The following CLVS1 variants were observed in gnomAD, a reference collection of about 807,000 sequenced individuals.
CLVS1 encodes the protein clavesin 1.
Under a neutral mutation model 33.1 loss-of-function variants are expected in CLVS1, and 10 were observed. The ratio of observed to expected loss-of-function variants is 0.30; its 90% CI spans 0.19 to 0.51. CLVS1 has a LOEUF of 0.51. Ranked by LOEUF, CLVS1 falls within the 20% of genes least tolerant of loss-of-function variation. The pLI is 0.97. For missense variants in CLVS1, 343 were observed against 433.4 expected (o/e 0.79, Z 1.85); for synonymous variants, 163 against 166.1 (o/e 0.98, Z 0.14).
chr8:61,141,331 A>G (rs1323768199), intron 2 of CLVS1, among the ~76,000 whole-genome samples: 1 of 152,184 alleles, frequency 6.6e-6, no homozygotes, highest in African/African-American at 2.4e-5. Flanking sequence ...GTTGTATACA[A>G]GCTCACTTAA....
chr8:61,275,540 A>C (rs1489971166), intron 2 of CLVS1, among the ~76,000 whole-genome samples: 1 of 152,198 alleles, frequency 6.6e-6, no homozygotes. Flanking sequence ...ATAACACTTC[A>C]TATATTTGTG....
intron 5 of CLVS1, among the ~76,000 whole-genome samples, chr8:61,495,994 C>A (rs960375087): frequency 5.9e-5 from 9 of 152,104 alleles, no homozygotes; most frequent in African/African-American, 2.2e-4. Flanking sequence ...GAGAAAGAAT[C>A]AGAAATTGTA....
chr8:61,138,828 G>T (rs755005467), intron 2 of CLVS1, among the ~76,000 whole-genome samples: 1 of 152,248 alleles, frequency 6.6e-6, no homozygotes, highest in Non-Finnish European at 1.5e-5. Context: ...GGACCCTGAA[G>T]CTGGAAATCT....
intron 2 of CLVS1, among the ~76,000 whole-genome samples, chr8:61,262,854 C>T (rs192063518): frequency 6.6e-6 from 1 of 152,100 alleles, no homozygotes; most frequent in Non-Finnish European, 1.5e-5. Context: ...GCTACAGCAG[C>T]AAACAGCACT....
At chr8:61,258,255 A>C (rs1454871962) in intron 2 of CLVS1, among the ~76,000 whole-genome samples, 1 of 152,228 alleles carries the variant, frequency 6.6e-6, no homozygotes, top group Non-Finnish European at 1.5e-5. Context: ...CTGCATGTGT[A>C]AAAATTCCTT....
At chr8:61,178,679 T>G (rs932120317) in intron 2 of CLVS1, among the ~76,000 whole-genome samples, 3 of 151,092 alleles carry the variant, frequency 2.0e-5, no homozygotes, top group Non-Finnish European at 4.4e-5. Context: ...CAGAAGAGAG[T>G]GAGGGCCAAT....
intron 5 of CLVS1, among the ~76,000 whole-genome samples, chr8:61,492,486 C>T (rs577209628): frequency 1.2e-4 from 19 of 152,286 alleles, no homozygotes; most frequent in Admixed American, 9.2e-4. Context: ...ATGAAAGCCA[C>T]GCACTTCCAT....
intron 3 of CLVS1, among the ~76,000 whole-genome samples, chr8:61,381,120 C>T (rs7814729): frequency 0.011 from 1,685 of 151,686 alleles, 40 homozygotes; most frequent in African/African-American, 0.038. Flanking sequence ...ACACTTGGTG[C>T]GTTCCTTAAC....
chr8:61,031,577 T>C, the CLVS1 span, among the ~76,000 whole-genome samples: 18 of 152,248 alleles, frequency 1.2e-4, no homozygotes, highest in African/African-American at 3.6e-4. Context: ...TTTTATTCCT[T>C]TGGGGTTCAC....
At chr8:61,202,848 T>A in intron 2 of CLVS1, 1 of 995,814 alleles carries the variant, frequency 1.0e-6, no homozygotes. Context: ...ATGATGATGA[T>A]GATGAAGAAG....
At chr8:61,319,645 T>C (rs1324978623) in intron 2 of CLVS1, among the ~76,000 whole-genome samples, 2 of 152,158 alleles carry the variant, frequency 1.3e-5, no homozygotes, top group Non-Finnish European at 2.9e-5. Context: ...GAGTCCTGCT[T>C]ATTTGTGACT....
chr8:61,053,933 C>T (rs900144015), upstream of CLVS1, among the ~76,000 whole-genome samples: 3 of 152,218 alleles, frequency 2.0e-5, no homozygotes, highest in Admixed American at 6.5e-5. Context: ...ATTCTGGCTC[C>T]AGTCCTGCCC....
chr8:61,252,466 T>C (rs1330137902), intron 2 of CLVS1, among the ~76,000 whole-genome samples: 1 of 152,194 alleles, frequency 6.6e-6, no homozygotes, highest in South Asian at 2.1e-4. Context: ...AAGTCCTGAA[T>C]ATCCTTGTTA....
intron 1 of CLVS1, among the ~76,000 whole-genome samples, chr8:61,067,042 G>C (rs1267574336): frequency 6.6e-6 from 1 of 152,060 alleles, no homozygotes; most frequent in East Asian, 1.9e-4. Context: ...GGAGGGCAAT[G>C]ATGTTCAACC....
At chr8:61,385,140 T>A (rs1814030593) in intron 3 of CLVS1, among the ~76,000 whole-genome samples, 1 of 152,164 alleles carries the variant, frequency 6.6e-6, no homozygotes, top group Admixed American at 6.6e-5. Context: ...ATACTTTCCG[T>A]TGGGCAAGAT....
chr8:61,046,289 T>C, the CLVS1 span, among the ~76,000 whole-genome samples: 2 of 147,842 alleles, frequency 1.4e-5, no homozygotes, highest in African/African-American at 5.2e-5. Context: ...GTCAAAGATC[T>C]GATAGTTGTA....
intron 2 of CLVS1, among the ~76,000 whole-genome samples, chr8:61,368,735 T>A (rs1813313166): frequency 6.6e-6 from 1 of 152,234 alleles, no homozygotes; most frequent in Admixed American, 6.5e-5. Context: ...TCCACCTGTG[T>A]GTTATCAGAT....
At chr8:61,237,977 C>A (rs1009512425) in intron 2 of CLVS1, among the ~76,000 whole-genome samples, 5 of 152,050 alleles carry the variant, frequency 3.3e-5, no homozygotes, top group Non-Finnish European at 7.4e-5. Context: ...GCATCCAAGC[C>A]GAGGCTGAAT....
intron 2 of CLVS1, among the ~76,000 whole-genome samples, chr8:61,159,760 G>T (rs1171410379): frequency 1.3e-5 from 2 of 152,200 alleles, no homozygotes; most frequent in African/African-American, 4.8e-5. Context: ...AGAGAGAATG[G>T]CTGCCGTGAC....
Sources: gnomAD v4.1 joint callset for allele counts (sites outside exome capture counted in the v4.1 genomes callset) on GRCh38, gnomAD v4.1.1 for gene constraint, MANE v1.5 for transcripts, NCBI Gene and HGNC (gene_info 2026-07-23, HGNC 2026-07-21) for gene names.